NEMP2: variants seen among roughly 807,000 people sequenced by gnomAD.
The protein encoded by NEMP2 is nuclear envelope integral membrane protein 2.
In NEMP2, 53 loss-of-function variants were observed where a neutral mutation model predicts 54.2. That is an observed-to-expected ratio of 0.98 (90% CI 0.78 to 1.23). The LOEUF is 1.23. NEMP2 is among the 50% of genes most tolerant of loss of function. The pLI, the probability that NEMP2 is intolerant of heterozygous loss-of-function variation, is 0.00. For synonymous variants in NEMP2, 197 were observed against 190.3 expected (o/e 1.04, Z -0.29); for missense variants, 455 against 511.3 (o/e 0.89, Z 1.06).
chr2:190,647,522 G>A, the NEMP2 span, among the ~76,000 whole-genome samples: 1 of 152,018 alleles, frequency 6.6e-6, no homozygotes, highest in Non-Finnish European at 1.5e-5. Context: ...ATTTTTATGT[G>A]TATGTTAAAA....
rs1333284996 is a variant in NEMP2, at chr2:190,506,260, G to A, written c.*2929C>T. 6.6e-6 allele frequency: 1 copy of A among 152,180 alleles called. No individual in the cohort carries two copies. The highest frequency in any genetic ancestry group is 1.5e-5 in the Non-Finnish European group (1 of 68,054). The allele number at this position is 152,180 out of a possible 1,614,324, so 9.4% of individuals were successfully genotyped here. On this transcript the variant is annotated 3_prime_UTR_variant, in exon 9 of 9. Transcript: ENST00000409150. This position sits in a 1 kb window ranked among gnomAD's most constrained non-coding sequence, Gnocchi z 6.3. Reference sequence around the variant, plus strand: ...TCTCAGAAGGCAGCTTGCTCCTGTTGTCACCTAAAAGTACCTCTCTGTCTT... The same window carrying A: ...TCTCAGAAGGCAGCTTGCTCCTGTTATCACCTAAAAGTACCTCTCTGTCTT...
At chr2:190,620,784 G>T in the NEMP2 span, among the ~76,000 whole-genome samples, 2 of 152,014 alleles carry the variant, frequency 1.3e-5, no homozygotes, top group East Asian at 1.9e-4. The surrounding 1 kb of genome is among the most constrained non-coding windows in gnomAD (Gnocchi z 4.9). Flanking sequence ...ACAAGAAAAA[G>T]AAATAAAAAG....
At chr2:190,566,988 C>T in the NEMP2 span, among the ~76,000 whole-genome samples, 3 of 151,818 alleles carry the variant, frequency 2.0e-5, no homozygotes, top group Non-Finnish European at 2.9e-5. Context: ...AATCATACCT[C>T]TAACCTAAAA....
chr2:190,603,535 A>G, the NEMP2 span, among the ~76,000 whole-genome samples: 1 of 148,446 alleles, frequency 6.7e-6, no homozygotes, highest in African/African-American at 2.5e-5. Flanking sequence ...TCCCTGAGAC[A>G]GTGGCTCCCT....
the NEMP2 span, chr2:190,453,952 T>C: frequency 1.3e-5 from 2 of 152,200 alleles, no homozygotes; most frequent in African/African-American, 4.8e-5. Flanking sequence ...ATGCTACTGG[T>C]AACTGGAATA....
the NEMP2 span, among the ~76,000 whole-genome samples, chr2:190,570,368 C>G: frequency 6.6e-6 from 1 of 152,084 alleles, no homozygotes; most frequent in Non-Finnish European, 1.5e-5. The surrounding 1 kb of genome is among the most constrained non-coding windows in gnomAD (Gnocchi z 5.4). Context: ...AATAGAGACC[C>G]CAATATAATA....
At chr2:190,615,612 C>CCT in the NEMP2 span, among the ~76,000 whole-genome samples, 1 of 152,336 alleles carries the variant, frequency 6.6e-6, no homozygotes, top group Admixed American at 6.5e-5. This position sits in a 1 kb window ranked among gnomAD's most constrained non-coding sequence, Gnocchi z 4.7. Context: ...GTGACTGAGT[C>CCT]AACCTTCAGC....
At chr2:190,589,701 T>C in the NEMP2 span, among the ~76,000 whole-genome samples, 1 of 152,120 alleles carries the variant, frequency 6.6e-6, no homozygotes, top group African/African-American at 2.4e-5. The surrounding 1 kb of genome is among the most constrained non-coding windows in gnomAD (Gnocchi z 4.3). Flanking sequence ...AAACCAAAAA[T>C]GAAGGAGGTT....
At chr2:190,604,497 T>C in the NEMP2 span, among the ~76,000 whole-genome samples, 2 of 152,210 alleles carry the variant, frequency 1.3e-5, no homozygotes, top group South Asian at 4.1e-4. The surrounding 1 kb of genome is among the most constrained non-coding windows in gnomAD (Gnocchi z 4.5). Context: ...ACAATGTGCC[T>C]ACTCAGCCCA....
the NEMP2 span, among the ~76,000 whole-genome samples, chr2:190,596,449 G>GT: frequency 5.9e-5 from 9 of 152,284 alleles, no homozygotes; most frequent in South Asian, 1.9e-3. The surrounding 1 kb of genome is among the most constrained non-coding windows in gnomAD (Gnocchi z 5.1). Flanking sequence ...ATTTTAGGTG[G>GT]TGATTATAGC....
chr2:190,639,725 T>C, the NEMP2 span, among the ~76,000 whole-genome samples: 1 of 152,246 alleles, frequency 6.6e-6, no homozygotes, highest in Non-Finnish European at 1.5e-5. Context: ...CTCAGCTTAC[T>C]GCAACCTCAG....
At chr2:190,447,333 T>C in the NEMP2 span, among the ~76,000 whole-genome samples, 1 of 152,210 alleles carries the variant, frequency 6.6e-6, no homozygotes, top group African/African-American at 2.4e-5. This position sits in a 1 kb window ranked among gnomAD's most constrained non-coding sequence, Gnocchi z 4.5. Context: ...ACTGTGAGGT[T>C]AGGTCAGTGT....
At chr2:190,460,763 A>G in the NEMP2 span, among the ~76,000 whole-genome samples, 2 of 152,216 alleles carry the variant, frequency 1.3e-5, no homozygotes, top group Admixed American at 1.3e-4. Context: ...ACACAGAGAC[A>G]GGTGGGGATG....
chr2:190,567,402 G>A, the NEMP2 span, among the ~76,000 whole-genome samples: 151 of 152,078 alleles, frequency 9.9e-4, 2 homozygotes, highest in East Asian at 0.019. The surrounding 1 kb of genome is among the most constrained non-coding windows in gnomAD (Gnocchi z 4.0). Context: ...TGAAGGCTAT[G>A]TCTAAAAATC....
In NEMP2 at chr2:190,510,055, A is replaced by G. The variant is rs1690303323; in HGVS notation, c.1130+306T>C. ...GACTCCATCTAAAACAAAACAAAAC[A>G]AAAAAGATTTTCCCCACCAATAGGG... On this transcript the variant is annotated intron_variant, in intron 8 of 8. Transcript: ENST00000409150. The surrounding 1 kb of genome is among the most constrained non-coding windows in gnomAD (Gnocchi z 5.7). 6.6e-6 allele frequency among the ~76,000 whole-genome samples: 1 copy of G among 152,204 alleles called. No individual in the cohort carries two copies.
chr2:190,511,716 G>A lies in NEMP2; in HGVS notation c.954-1179C>T, dbSNP rs372660421. 1.2e-3 allele frequency among the ~76,000 whole-genome samples: 183 copies of A among 150,636 alleles called. 1 individual carries two copies. The highest frequency in any genetic ancestry group is 8.4e-3 in the East Asian group (43 of 5,142). ...ATTACAGACGCACGCCACCACGCCCGGCTAATTTGTGTATTTTTTAGTAGA... is the reference window on the plus strand; with the variant it reads ...ATTACAGACGCACGCCACCACGCCCAGCTAATTTGTGTATTTTTTAGTAGA... On this transcript the variant is annotated intron_variant, in intron 7 of 8. Coordinates refer to ENST00000409150, the MANE Select transcript of NEMP2 (RefSeq NM_001142645.2).
chr2:190,433,662 C>G, the NEMP2 span, among the ~76,000 whole-genome samples: 1 of 152,094 alleles, frequency 6.6e-6, no homozygotes, highest in Non-Finnish European at 1.5e-5. This position sits in a 1 kb window ranked among gnomAD's most constrained non-coding sequence, Gnocchi z 4.5. Context: ...TGAACATTTT[C>G]AAAGCTTACA....
At chr2:190,541,013 T>C in the NEMP2 span, among the ~76,000 whole-genome samples, 1 of 152,092 alleles carries the variant, frequency 6.6e-6, no homozygotes, top group Admixed American at 6.5e-5. The surrounding 1 kb of genome is among the most constrained non-coding windows in gnomAD (Gnocchi z 5.2). Context: ...TGGTGAATAC[T>C]CATTCACATT....
the NEMP2 span, among the ~76,000 whole-genome samples, chr2:190,445,187 CTCATATT>C: frequency 6.6e-6 from 1 of 152,042 alleles, no homozygotes. Flanking sequence ...GGATACTTAT[CTCATATT>C]AAAGAGAATT....
Sources: allele counts gnomAD v4.1 joint callset (sites outside exome capture counted in the v4.1 genomes callset), GRCh38; gene constraint gnomAD v4.1.1; non-coding constraint Gnocchi (gnomAD v3.1); transcripts MANE v1.5; gene names NCBI Gene and HGNC (gene_info 2026-07-23, HGNC 2026-07-21).